OGFR: variants seen among roughly 807,000 people sequenced by gnomAD.
OGFR encodes opioid growth factor receptor.
OGFR carries 18 observed loss-of-function variants against 33.6 expected under a neutral mutation model. That is an observed-to-expected ratio of 0.54 (90% CI 0.37 to 0.80). The LOEUF is 0.80. Ranked by LOEUF, OGFR falls within the 30% of genes least tolerant of loss-of-function variation. OGFR has a pLI of 0.00. For missense variants in OGFR, 877 were observed against 955.8 expected, an observed-to-expected ratio of 0.92 and a Z score of 1.09; for synonymous variants, 370 against 400.7, an observed-to-expected ratio of 0.92 and a Z score of 0.91.
intron 1 of OGFR, chr20:62,806,188 GAGA>G (rs762587348): frequency 6.6e-6 from 1 of 152,422 alleles, no homozygotes; most frequent in Non-Finnish European, 1.5e-5. Flanking sequence ...CCCCAGGAAG[GAGA>G]AGTAGAAACT....
chr20:62,806,807 C>G (rs7266184), intron 1 of OGFR: 69,225 of 152,304 alleles, frequency 0.45, 16,316 homozygotes, highest in African/African-American at 0.57. Flanking sequence ...CTGTGTCCCA[C>G]CATCCTCATC....
chr20:62,813,720 G>T lies in OGFR; in HGVS notation c.*71G>T, dbSNP rs1343637055. ...AGGGGCTGGGGCCTCCGGAGCTGCT[G>T]CGGGCTCCCCTCAGGCTCTGCTTCG... On this transcript the variant is annotated 3_prime_UTR_variant, in exon 7 of 7. Transcript: ENST00000290291. The T allele has an allele frequency of 1.9e-6, 3 of 1,556,832 alleles. No homozygotes were observed. The highest frequency in any genetic ancestry group is 2.2e-5 in the East Asian group (1 of 44,500).
rs753676042 is a variant in OGFR at position 62,812,511 on chromosome 20, C to T, written c.896C>T (p.Ser299Phe). The change falls in exon 7 of 7, where the codon TCT (serine) becomes TTT (phenylalanine). Residue 299 changes from serine (S) to phenylalanine (F), a missense_variant. This residue lies in a region of OGFR where 760 missense variants were observed against 736.0 expected (regional missense o/e 1.03). Coordinates refer to ENST00000290291, the MANE Select transcript of OGFR (RefSeq NM_007346.4). The part of the protein sequence containing the change: ...QDKLRRFKPS[S>F]LPHPLEGSRK... Reference sequence around the variant, plus strand: ...AAGCTGCGGAGGTTCAAGCCCAGCTCTCTGCCCCATCCGCTCGAGGGCTCC... The same window carrying T: ...AAGCTGCGGAGGTTCAAGCCCAGCTTTCTGCCCCATCCGCTCGAGGGCTCC... 2.5e-6 allele frequency: 4 copies of T among 1,585,274 alleles called. No individual in the cohort carries two copies. The highest frequency in any genetic ancestry group is 3.4e-6 in the Non-Finnish European group (4 of 1,166,558).
At chr20:62,812,096 TG>T in intron 6 of OGFR, 133 bp from the exon 7 acceptor site, 1 of 766,898 alleles carries the variant, frequency 1.3e-6, no homozygotes, top group Non-Finnish European at 2.0e-6. Flanking sequence ...GAGAGGTAAA[TG>T]GAGAGAGAGA....
chr20:62,807,591 C>T lies in OGFR; in HGVS notation c.226C>T (p.Arg76Trp), dbSNP rs1477361299. Residue 76 changes from arginine to tryptophan, a missense_variant, in exon 2 of 7, where the codon CGG becomes TGG. By Grantham distance (101) the Arg-to-Trp change is moderately radical. Transcript: ENST00000290291. Reference sequence around the variant, plus strand: ...AGCCACGAGGGACATGTGTAGGTATCGGCACAACTATCCGGTACGTACCTG... The same window carrying T: ...AGCCACGAGGGACATGTGTAGGTATTGGCACAACTATCCGGTACGTACCTG... ...WRATRDMCRY[R>W]HNYPDLVERD... 5 of 1,612,814 alleles carry T rather than the reference C, an allele frequency of 3.1e-6. No homozygotes were observed. Among genetic ancestry groups the T allele is most frequent in the African/African-American group, 1.3e-5 (1 of 74,928 alleles).
chr20:62,809,564 T>G (rs1324507658), intron 3 of OGFR, 21 bp from the exon 4 acceptor site: 2 of 1,606,864 alleles, frequency 1.2e-6, no homozygotes. Context: ...CACAGCTGAC[T>G]TGTCCCCATG....
Position 62,812,868 on chromosome 20 carries a change from C to T in OGFR, c.1253C>T (p.Ala418Val). Residue 418 changes from alanine to valine, a missense_variant, in exon 7 of 7, where the codon GCC becomes GTC. By Grantham distance (64) the Ala-to-Val change is moderately conservative. Coordinates refer to ENST00000290291, the MANE Select transcript of OGFR (RefSeq NM_007346.4). ...EKIALNLEGC[A>V]LSQGSLRTGT... ...ATCGCTCTGAATTTGGAGGGGTGTG[C>T]CCTCAGCCAGGGCAGCCTCAGGACG... The T allele has an allele frequency of 6.2e-7, 1 of 1,612,588 alleles. No individual in the cohort carries two copies. The highest frequency in any genetic ancestry group is 8.5e-7 in the Non-Finnish European group (1 of 1,179,922).
rs557376291 is a variant in OGFR, at chr20:62,813,670, G to C, written c.*21G>C. On this transcript the variant is annotated 3_prime_UTR_variant, in exon 7 of 7. Coordinates refer to ENST00000290291, the MANE Select transcript of OGFR (RefSeq NM_007346.4). ...CTTAAGGAAAGGAGTGCCCGTCGGC[G>C]TCTTGGTCCTCCTGTCCCTGCTGCA... The C allele has an allele frequency of 8.7e-6, 14 of 1,609,602 alleles. No individual in the cohort carries two copies. Among genetic ancestry groups the C allele is most frequent in the Admixed American group, 1.7e-5 (1 of 59,850 alleles).
In OGFR at chr20:62,812,355, C is replaced by T. The variant is rs1237402051; in HGVS notation, c.740C>T (p.Pro247Leu). ...LEETLVRRELPGVRQSALDYF... is the reference protein window; with the variant it reads ...LEETLVRRELLGVRQSALDYF... ...GAGACGCTGGTGCGGCGGGAGCTGCCGGGGGTGCGGCAGAGTGCCCTGGAC... is the reference window on the plus strand; with the variant it reads ...GAGACGCTGGTGCGGCGGGAGCTGCTGGGGGTGCGGCAGAGTGCCCTGGAC... The change falls in exon 7 of 7, where the codon CCG (proline) becomes CTG (leucine). Residue 247 changes from proline (P) to leucine (L), a missense_variant. Around this residue, in one of 3 missense-constraint regions of OGFR, gnomAD observed 760 missense variants for 736.0 expected, o/e 1.03. Transcript: ENST00000290291. The T allele has an allele frequency of 1.3e-5, 20 of 1,560,368 alleles. No individual in the cohort carries two copies. The highest frequency in any genetic ancestry group is 2.7e-5 in the African/African-American group (2 of 73,428).
In OGFR at chr20:62,812,369, A is replaced by G; in HGVS notation, c.754A>G (p.Ser252Gly). Residue 252 changes from serine (S) to glycine (G), a missense_variant, in exon 7 of 7, where the codon AGT (serine) becomes GGT (glycine). Around this residue, in one of 3 missense-constraint regions of OGFR, gnomAD observed 760 missense variants for 736.0 expected, o/e 1.03. Transcript: ENST00000290291. ...VRRELPGVRQ[S>G]ALDYFMFAVR... ...GCGGGAGCTGCCGGGGGTGCGGCAGAGTGCCCTGGACTACTTCATGTTCGC... is the reference window on the plus strand; with the variant it reads ...GCGGGAGCTGCCGGGGGTGCGGCAGGGTGCCCTGGACTACTTCATGTTCGC... 1 of 1,566,520 alleles carries G rather than the reference A, an allele frequency of 6.4e-7. No homozygotes were observed. Among genetic ancestry groups the G allele is most frequent in the Non-Finnish European group, 8.6e-7 (1 of 1,156,764 alleles).
Position 62,805,072 on chromosome 20 carries a change from C to T in OGFR, c.171+42C>T. 4 of 1,279,922 alleles carry T rather than the reference C, an allele frequency of 3.1e-6. No individual in the cohort carries two copies. The South Asian group carries it at 7.7e-5, about 25-fold the overall frequency. 79.3% of individuals were successfully genotyped at this position (1,279,922 alleles called of 1,614,324 possible). A position where few individuals can be genotyped will look rare whatever the true frequency, so the allele number is the denominator to read the frequency against. Reference sequence around the variant, plus strand: ...CGGAAGAGGCCTGGGGTCCCCGGCGCCCCCCGCCCGGCTGCGTGGACGGGA... The same window carrying T: ...CGGAAGAGGCCTGGGGTCCCCGGCGTCCCCCGCCCGGCTGCGTGGACGGGA... On this transcript the variant is annotated intron_variant, in intron 1 of 6. Coordinates refer to ENST00000290291, the MANE Select transcript of OGFR (RefSeq NM_007346.4).
chr20:62,810,176 AAG>A (rs1990691821), intron 4 of OGFR, among the ~76,000 whole-genome samples: 1 of 103,318 alleles, frequency 9.7e-6, no homozygotes, highest in Non-Finnish European at 2.6e-5. Flanking sequence ...GTGACAACAC[AAG>A]AGAGGGAAGA....
chr20:62,806,716 C>G (rs1244487579), intron 1 of OGFR: 1 of 152,342 alleles, frequency 6.6e-6, no homozygotes, highest in Non-Finnish European at 1.5e-5. Context: ...AATTGTTGCC[C>G]TGGACAAATA....
chr20:62,810,576 C>T lies in OGFR; in HGVS notation c.465+11C>T. On this transcript the variant is annotated intron_variant, in intron 5 of 6. Transcript: ENST00000290291. ...CTCAGGGAGGTCGAGGTGAGCCAGGCCTTGGCTGTGACTGGAGGGGAAGAT... is the reference window on the plus strand; with the variant it reads ...CTCAGGGAGGTCGAGGTGAGCCAGGTCTTGGCTGTGACTGGAGGGGAAGAT... The T allele has an allele frequency of 6.2e-7, 1 of 1,611,802 alleles. No homozygotes were observed.
Position 62,809,594 on chromosome 20 carries a change from T to C in OGFR, c.329T>C (p.Ile110Thr). The C allele has an allele frequency of 6.2e-7, 1 of 1,611,408 alleles. No homozygotes were observed. The highest frequency in any genetic ancestry group is 1.1e-5 in the South Asian group (1 of 91,044). ...CCCATGGGGCTCCCAGGCTGTTTCATTGAGGACATTCTTCAGAACTGGACG... is the reference window on the plus strand; with the variant it reads ...CCCATGGGGCTCCCAGGCTGTTTCACTGAGGACATTCTTCAGAACTGGACG... ...EIRFLPNGCFIEDILQNWTDN... is the reference protein window; with the variant it reads ...EIRFLPNGCFTEDILQNWTDN... The change falls in exon 4 of 7, where the codon ATT (isoleucine) becomes ACT (threonine). Residue 110 changes from isoleucine (I) to threonine (T), a missense_variant. Physicochemically the swap from Ile to Thr is moderately conservative, Grantham distance 89. Around this residue, in one of 3 missense-constraint regions of OGFR, gnomAD observed 760 missense variants for 736.0 expected, o/e 1.03. Coordinates refer to ENST00000290291, the MANE Select transcript of OGFR (RefSeq NM_007346.4).
rs1990545569 is a variant in OGFR at position 62,804,899 on chromosome 20, G to C, written c.40G>C (p.Glu14Gln). ...CTGCGACTCCACCTGGGAGGAGGAC[G>C]AGGAGGATGCGGAGGACGCGGAGGA... Reference protein sequence around the residue: ...PDCDSTWEEDEEDAEDAEDED... With the variant: ...PDCDSTWEEDQEDAEDAEDED... The change falls in exon 1 of 7, where the codon GAG becomes CAG. Residue 14 changes from glutamate (E) to glutamine (Q), a missense_variant. Coordinates refer to ENST00000290291, the MANE Select transcript of OGFR (RefSeq NM_007346.4). The C allele has an allele frequency of 6.7e-7, 1 of 1,495,992 alleles. No individual in the cohort carries two copies. Among genetic ancestry groups the C allele is most frequent in the Non-Finnish European group, 8.9e-7 (1 of 1,123,260 alleles). 92.7% of individuals were successfully genotyped at this position (1,495,992 alleles called of 1,614,324 possible). A position where few individuals can be genotyped will look rare whatever the true frequency, so the allele number is the denominator to read the frequency against.
Position 62,811,501 on chromosome 20 carries a change from C to T in OGFR, c.505C>T (p.Arg169Trp). 1.9e-6 allele frequency: 3 copies of T among 1,608,394 alleles called. No individual in the cohort carries two copies. The highest frequency in any genetic ancestry group is 1.3e-5 in the African/African-American group (1 of 74,930). ...SSQEIQERLV[R>W]AYELMLGFYG... ...CCAGGAGATCCAGGAGCGGCTTGTC[C>T]GGGCCTACGAGCTCATGCTGGGCTT... Residue 169 changes from arginine (R) to tryptophan (W), a missense_variant, in exon 6 of 7, where the codon CGG (arginine) becomes TGG (tryptophan). Arg to Trp is a moderately radical substitution (Grantham distance 101). Coordinates refer to ENST00000290291, the MANE Select transcript of OGFR (RefSeq NM_007346.4).
chr20:62,813,032 A>G lies in OGFR; in HGVS notation c.1417A>G (p.Ser473Gly). The change falls in exon 7 of 7, where the codon AGT (serine) becomes GGT (glycine). Residue 473 changes from serine (S) to glycine (G), a missense_variant. Around this residue, in one of 3 missense-constraint regions of OGFR, gnomAD observed 760 missense variants for 736.0 expected, o/e 1.03. Transcript: ENST00000290291. ...TGCTGGGGACAGTGCTGCGGTGGCC[A>G]GTGGTGGTGCCCAGACCTTGGCCCT... ...EGAGDSAAVA[S>G]GGAQTLALAG... 1.2e-6 allele frequency: 2 copies of G among 1,600,548 alleles called. No individual in the cohort carries two copies. The highest frequency in any genetic ancestry group is 1.7e-6 in the Non-Finnish European group (2 of 1,173,972).
At chr20:62,810,116 G>C (rs1007650768) in intron 4 of OGFR, among the ~76,000 whole-genome samples, 1 of 152,216 alleles carries the variant, frequency 6.6e-6, no homozygotes, top group African/African-American at 2.4e-5. Flanking sequence ...TTTGGGGACA[G>C]CTCGCTGGGC....
Sources: gnomAD v4.1 joint callset for allele counts (sites outside exome capture counted in the v4.1 genomes callset) on GRCh38, gnomAD v4.1.1 for gene constraint, gnomAD v4.1.1 regional missense constraint, MANE v1.5 for transcripts, NCBI Gene and HGNC (gene_info 2026-07-23, HGNC 2026-07-21) for gene names.